Variants in ABCG5 observed in about 807,000 individuals in gnomAD.
ABCG5 encodes ATP binding cassette subfamily G member 5.
ABCG5 carries 64 observed loss-of-function variants against 64.5 expected under a neutral mutation model. That is an observed-to-expected ratio of 0.99 (90% CI 0.81 to 1.22). The LOEUF (loss-of-function observed/expected upper bound fraction) is 1.22, where lower values mean the gene tolerates loss of function less well. ABCG5 is among the 50% of genes most tolerant of loss of function. The pLI is 0.00. For synonymous variants in ABCG5, 385 were observed against 326.3 expected (o/e 1.18, Z -1.94); for missense variants, 908 against 829.5 (o/e 1.09, Z -1.16).
intron 2 of ABCG5, among the ~76,000 whole-genome samples, chr2:43,836,035 C>A (rs1264519207): frequency 6.6e-6 from 1 of 152,030 alleles, no homozygotes; most frequent in African/African-American, 2.4e-5. Context: ...CTCCCAGGTT[C>A]AAGGGATTCT....
At chr2:43,831,660 G>T in intron 4 of ABCG5, 109 bp downstream of exon 4, 3 of 1,124,102 alleles carry the variant, frequency 2.7e-6, no homozygotes, top group Non-Finnish European at 3.9e-6. Context: ...CTAGAGTGAA[G>T]GAGTGACGAG....
At chr2:43,835,042 T>A (rs1235288848) in intron 2 of ABCG5, among the ~76,000 whole-genome samples, 3 of 152,266 alleles carry the variant, frequency 2.0e-5, no homozygotes, top group African/African-American at 7.2e-5. Flanking sequence ...TGACCGACCC[T>A]GTTCTAGGTG....
chr2:43,827,654 C>T (rs1667700920), intron 5 of ABCG5, among the ~76,000 whole-genome samples: 1 of 152,192 alleles, frequency 6.6e-6, no homozygotes, highest in African/African-American at 2.4e-5. Flanking sequence ...CATTGGCTTT[C>T]CCCAGCCCAC....
downstream of ABCG5, among the ~76,000 whole-genome samples, chr2:43,809,228 G>A (rs976589475): frequency 6.6e-6 from 1 of 152,126 alleles, no homozygotes; most frequent in Non-Finnish European, 1.5e-5. Context: ...CTGGGCTCAA[G>A]CAATTCTCCT....
At chr2:43,823,087 C>T in intron 9 of ABCG5, 152 bp from the exon 10 acceptor site, 2 of 1,000,718 alleles carry the variant, frequency 2.0e-6, no homozygotes, top group Non-Finnish European at 1.5e-6. Context: ...ACCTGCCATC[C>T]ACAGGACAAT....
At chr2:43,820,549 A>G (rs1007751412) in intron 10 of ABCG5, among the ~76,000 whole-genome samples, 19 of 152,202 alleles carry the variant, frequency 1.2e-4, no homozygotes, top group Admixed American at 1.2e-3. Context: ...ATTATTGCCT[A>G]CGTGAAAATC....
At chr2:43,832,306 G>C in intron 2 of ABCG5, 1 of 614,994 alleles carries the variant, frequency 1.6e-6, no homozygotes, top group Non-Finnish European at 2.9e-6. Flanking sequence ...ATTGTCCCCT[G>C]AGTGAGAGGG....
intron 5 of ABCG5, among the ~76,000 whole-genome samples, chr2:43,827,271 G>T (rs999394676): frequency 1.3e-5 from 2 of 150,362 alleles, no homozygotes; most frequent in South Asian, 2.1e-4. Context: ...GTTGCAGTGA[G>T]CCAAGATCGC....
rs565656392 is a variant in ABCG5, at chr2:43,822,480, C to A, written c.1463+317G>T. The A allele has an allele frequency of 3.1e-5, 23 of 737,080 alleles. 1 individual carries two copies. The highest frequency in any genetic ancestry group is 3.6e-5 in the Non-Finnish European group (23 of 643,808). The allele number at this position is 737,080 out of a possible 1,614,324, so 45.7% of individuals were successfully genotyped here. On this transcript the variant is annotated intron_variant, in intron 10 of 12. Transcript: ENST00000405322. ...GGCTGCTTTCTCCCCTCCCCCAGGC[C>A]CCCCCCCATGCACCTGGGTCCTAGC...
intron 11 of ABCG5, among the ~76,000 whole-genome samples, chr2:43,815,293 T>C (rs1666745010): frequency 6.6e-6 from 1 of 152,188 alleles, no homozygotes; most frequent in Middle Eastern, 3.2e-3. Flanking sequence ...AATCAAAAGG[T>C]ATAAAATTCT....
intron 10 of ABCG5, 107 bp from the exon 11 acceptor site, chr2:43,820,207 G>T (rs909334952): frequency 6.8e-5 from 91 of 1,345,294 alleles, no homozygotes; most frequent in Non-Finnish European, 8.4e-5. Flanking sequence ...GGTGGGAGAA[G>T]TTTGCAGGGC....
intron 2 of ABCG5, among the ~76,000 whole-genome samples, chr2:43,836,100 C>G (rs1489842423): frequency 6.6e-6 from 1 of 152,038 alleles, no homozygotes; most frequent in Non-Finnish European, 1.5e-5. Flanking sequence ...CCAGGCCTGG[C>G]TAATTTTTTT....
At chr2:43,832,385 A>T (rs551280261) in intron 2 of ABCG5, 1 of 529,210 alleles carries the variant, frequency 1.9e-6, no homozygotes, top group Non-Finnish European at 3.4e-6. Context: ...TGTCTTTAAA[A>T]CTGTTTTGGA....
Position 43,837,850 on chromosome 2 carries a change from G to T in ABCG5, c.249C>A (p.Cys83Ter). The T allele has an allele frequency of 6.2e-7, 1 of 1,614,016 alleles. No individual in the cohort carries two copies. The highest frequency in any genetic ancestry group is 2.2e-5 in the East Asian group (1 of 44,866). Reference sequence around the variant, plus strand: ...CAAGCTTACCTGAGCTTCCTAGGATGCACATGATCTGCCCGCTCTCCACGT... The same window carrying T: ...CAAGCTTACCTGAGCTTCCTAGGATTCACATGATCTGCCCGCTCTCCACGT... ...SLYVESGQIM[C>*]ILGSSGSGKT... The change falls in exon 2 of 13, where the codon TGC (cysteine) becomes TGA (stop). Residue 83 changes from cysteine to a stop codon, truncating the protein, a stop_gained. Transcript: ENST00000405322. LOFTEE classifies it high-confidence loss of function.
At chr2:43,835,201 C>T (rs1166802525) in intron 2 of ABCG5, among the ~76,000 whole-genome samples, 1 of 151,028 alleles carries the variant, frequency 6.6e-6, no homozygotes, top group Non-Finnish European at 1.5e-5. Context: ...AATCAAGAGC[C>T]CCTCCTGCTG....
At chr2:43,835,744 C>T (rs1668221704) in intron 2 of ABCG5, among the ~76,000 whole-genome samples, 1 of 152,142 alleles carries the variant, frequency 6.6e-6, no homozygotes, top group African/African-American at 2.4e-5. Flanking sequence ...CCACTTCTGC[C>T]ATGCAAGGTT....
chr2:43,839,211 C>T (rs1468413868), upstream of ABCG5: 17 of 1,317,416 alleles, frequency 1.3e-5, no homozygotes, highest in Non-Finnish European at 1.8e-5. Flanking sequence ...GTCCTAGCAC[C>T]ACCCGGACAT....
chr2:43,838,068 C>A lies in ABCG5; in HGVS notation c.144-113G>T. On this transcript the variant is annotated intron_variant, in intron 1 of 12. Coordinates refer to ENST00000405322, the MANE Select transcript of ABCG5 (RefSeq NM_022436.3). This position sits in a 1 kb window ranked among gnomAD's most constrained non-coding sequence, Gnocchi z 4.2. ...CCCACCCCAGTAGTCTCCGGACAGG[C>A]TCCTAACGTGTTTCAGTCTCTGCGC... The A allele has an allele frequency of 6.9e-7, 1 of 1,451,954 alleles. No homozygotes were observed. Among genetic ancestry groups the A allele is most frequent in the Non-Finnish European group, 9.5e-7 (1 of 1,049,626 alleles). The allele number at this position is 1,451,954 out of a possible 1,614,324, so 89.9% of individuals were successfully genotyped here.
chr2:43,831,907 G>T lies in ABCG5; in HGVS notation c.402+40C>A, dbSNP rs4148174. ...GGCGTCAGTGTAGCCTAAGCCCCCG[G>T]GGCGGGCGGGGGGGCCAGGGGTGTG... On this transcript the variant is annotated intron_variant, in intron 3 of 12. Transcript: ENST00000405322. 5.2e-5 allele frequency: 81 copies of T among 1,547,948 alleles called. No individual in the cohort carries two copies. In the East Asian group the frequency reaches 1.8e-3, roughly 34 times the overall value.
Sources: allele counts gnomAD v4.1 joint callset (sites outside exome capture counted in the v4.1 genomes callset), GRCh38; gene constraint gnomAD v4.1.1; non-coding constraint Gnocchi (gnomAD v3.1); transcripts MANE v1.5; gene names NCBI Gene and HGNC (gene_info 2026-07-23, HGNC 2026-07-21).